NCOR2: variants seen among roughly 807,000 people sequenced by gnomAD.
NCOR2 encodes CTG repeat protein 26.
NCOR2 carries 81 observed loss-of-function variants against 262.9 expected under a neutral mutation model. That is an observed-to-expected ratio of 0.31 (90% CI 0.26 to 0.37). The LOEUF (loss-of-function observed/expected upper bound fraction) is 0.37, where lower values mean the gene tolerates loss of function less well. Ranked by LOEUF, NCOR2 falls within the 10% of genes least tolerant of loss-of-function variation. The probability of loss-of-function intolerance (pLI) is 1.00; values close to 1 mark genes in which losing one functional copy is unlikely to be tolerated. For synonymous variants in NCOR2, 1,659 were observed against 1,559.3 expected (o/e 1.06, Z -1.51); for missense variants, 3,385 against 3,621.4 (o/e 0.93, Z 1.68).
chr12:124,385,886 A>C, exon 17 of NCOR2: 1 of 1,612,996 alleles, frequency 6.2e-7, no homozygotes, highest in Non-Finnish European at 8.5e-7. Context: ...GTTCCAGGAG[A>C]CCTGTCTCAG....
At chr12:124,386,659 C>A (rs117024491) in intron 16 of NCOR2, among the ~76,000 whole-genome samples, 79 of 152,340 alleles carry the variant, frequency 5.2e-4, no homozygotes, top group African/African-American at 1.8e-3. Context: ...CCCTCCATCA[C>A]TAGGTCTCAG....
chr12:124,400,395 C>G, intron 15 of NCOR2, 106 bp downstream of exon 17: 1 of 1,455,976 alleles, frequency 6.9e-7, no homozygotes, highest in Non-Finnish European at 9.4e-7. Flanking sequence ...TTACACCAAC[C>G]CCTTGGCTGT....
intron 41 of NCOR2, among the ~76,000 whole-genome samples, chr12:124,333,886 A>ATGTGTGCGGGTGCGCATGTG (rs1555299220): frequency 8.3e-6 from 1 of 120,724 alleles, no homozygotes; most frequent in Non-Finnish European, 1.9e-5. Flanking sequence ...GCGGGTGTGC[A>ATGTGTGCGGGTGCGCATGTG]TGTGTGTGTG....
intron 19 of NCOR2, 31 bp downstream of exon 21, chr12:124,374,382 T>G: frequency 6.2e-7 from 1 of 1,609,304 alleles, no homozygotes; most frequent in Non-Finnish European, 8.5e-7. Context: ...GGCCCGGCCC[T>G]ACCCCCCAGG....
chr12:124,386,362 C>T (rs1207659215), intron 16 of NCOR2, among the ~76,000 whole-genome samples: 1 of 151,994 alleles, frequency 6.6e-6, no homozygotes, highest in African/African-American at 2.4e-5. Flanking sequence ...CCGGCCACAC[C>T]GGCCCAGCGA....
rs543751219 is a variant in NCOR2 at position 124,398,314 on chromosome 12, G to A, written c.1814-133C>T. 60 of 916,102 alleles carry A rather than the reference G, an allele frequency of 6.5e-5. 2 individuals carry two copies. The South Asian group carries it at 7.1e-4, about 11-fold the overall frequency. The allele number at this position is 916,102 out of a possible 1,614,324, so 56.7% of individuals were successfully genotyped here. ...GTGTCACCGCACGGCTCTGAACCCCGTGGGAAGGCCACATTTCAGACGCCC... is the reference window on the plus strand; with the variant it reads ...GTGTCACCGCACGGCTCTGAACCCCATGGGAAGGCCACATTTCAGACGCCC... On this transcript the variant is annotated intron_variant, in intron 15 of 46. Coordinates refer to ENST00000405201, the Ensembl canonical transcript of NCOR2.
chr12:124,325,871 G>C (rs867111992), intron 46 of NCOR2, among the ~76,000 whole-genome samples: 51 of 152,246 alleles, frequency 3.3e-4, no homozygotes, highest in African/African-American at 1.2e-3. Context: ...TGTTAGATGA[G>C]CATTTCCCTT....
chr12:124,512,964 T>C (rs555392635), intron 1 of NCOR2, among the ~76,000 whole-genome samples: 1 of 152,304 alleles, frequency 6.6e-6, no homozygotes, highest in African/African-American at 2.4e-5. Context: ...GAGGGCTTCC[T>C]GGAGGCTCAG....
At chr12:124,346,648 G>A (rs1249281719) in exon 31 of NCOR2, 1 of 1,591,328 alleles carries the variant, frequency 6.3e-7, no homozygotes, top group Non-Finnish European at 8.5e-7. Flanking sequence ...GGATCTCATG[G>A]ATGGAGCGGC....
chr12:124,407,117 T>C (rs536360225), intron 13 of NCOR2, among the ~76,000 whole-genome samples: 97 of 152,296 alleles, frequency 6.4e-4, no homozygotes, highest in Non-Finnish European at 1.2e-3. Context: ...CTCCTCCCTA[T>C]GCCCATTTAA....
chr12:124,347,064 G>C (rs1311447836), intron 30 of NCOR2, among the ~76,000 whole-genome samples: 1 of 152,228 alleles, frequency 6.6e-6, no homozygotes, highest in African/African-American at 2.4e-5. Flanking sequence ...GGAACACTAT[G>C]AAATCATGAA....
chr12:124,553,433 G>A (rs1442363729), intron 1 of NCOR2, among the ~76,000 whole-genome samples: 1 of 152,156 alleles, frequency 6.6e-6, no homozygotes, highest in Non-Finnish European at 1.5e-5. Context: ...AAATCTTTAG[G>A]CCTCTAGGGA....
rs201540578 is a variant in NCOR2 at position 124,335,644 on chromosome 12, G to C, written c.6116-12C>G. The C allele has an allele frequency of 1.4e-5, 22 of 1,589,120 alleles. No homozygotes were observed. In the African/African-American group the frequency reaches 1.5e-4, roughly 11 times the overall value. On this transcript the variant is annotated splice_polypyrimidine_tract_variant and intron_variant, in intron 38 of 46. Transcript: ENST00000405201. The stretch of plus-strand genomic sequence containing the variant: ...GCTGCCGTGGTAACCTAGGGCAGGC[G>C]GGGGGTGCAGAGTCAGGCACCGGGC...
In NCOR2 at chr12:124,428,044, AGTGTGTGTGTGT is replaced by A. The variant is rs55965573; in HGVS notation, c.1150-1256_1150-1245del. Among the ~76,000 whole-genome samples the A allele has an allele frequency of 7.2e-3, 811 of 112,490 alleles. 9 individuals are homozygous for A. Among genetic ancestry groups the A allele is most frequent in the African/African-American group, 0.023 (773 of 34,176 alleles). The allele number at this position is 112,490 out of a possible 152,430, so 73.8% of individuals were successfully genotyped here. A position where few individuals can be genotyped will look rare whatever the true frequency, so the allele number is the denominator to read the frequency against. ...CTGATGACTGCATTCCCATGTGGCCAGTGTGTGTGTGTGTGTGTGTGTGTGTGTGTGTGTGTG... is the reference window on the plus strand; with the variant it reads ...CTGATGACTGCATTCCCATGTGGCCAGTGTGTGTGTGTGTGTGTGTGTGTG... On this transcript the variant is annotated intron_variant, in intron 10 of 46. Transcript: ENST00000405201.
exon 20 of NCOR2, chr12:124,372,024 GTTC>G (rs761348146): frequency 2.6e-5 from 41 of 1,587,076 alleles, no homozygotes; most frequent in Non-Finnish European, 2.8e-5. Flanking sequence ...CCACTCACCG[GTTC>G]TTGTCGCCGC....
rs1241199199 is a variant in NCOR2 at position 124,342,111 on chromosome 12, T to C, written c.4937-37A>G. 3 of 1,576,556 alleles carry C rather than the reference T, an allele frequency of 1.9e-6. No individual in the cohort carries two copies. The Admixed American group carries it at 5.1e-5, about 27-fold the overall frequency. On this transcript the variant is annotated intron_variant, in intron 33 of 46. Coordinates refer to ENST00000405201, the Ensembl canonical transcript of NCOR2. ...AGGGGAGCTCATGTGAGGCCAGCCA[T>C]ACCTAGGCCTGATGGTGTCGCTCCA...
chr12:124,436,720 C>G (rs998051863), intron 8 of NCOR2, among the ~76,000 whole-genome samples: 3 of 152,196 alleles, frequency 2.0e-5, no homozygotes, highest in East Asian at 1.9e-4. Flanking sequence ...GCACAGCTCT[C>G]TCCGGCTCCC....
At chr12:124,461,416 A>C (rs1418804180) in intron 5 of NCOR2, among the ~76,000 whole-genome samples, 1 of 152,222 alleles carries the variant, frequency 6.6e-6, no homozygotes, top group African/African-American at 2.4e-5. Context: ...GCACGTTCTC[A>C]TTCGAGCAGT....
intron 17 of NCOR2, among the ~76,000 whole-genome samples, chr12:124,380,509 GC>G (rs1022827551): frequency 4.1e-4 from 62 of 152,212 alleles, no homozygotes; most frequent in African/African-American, 1.4e-3. Flanking sequence ...TCCCAGCCCT[GC>G]CCCGAATCCT....
Sources: allele counts gnomAD v4.1 joint callset (sites outside exome capture counted in the v4.1 genomes callset), GRCh38; gene constraint gnomAD v4.1.1; transcripts MANE v1.5; gene names NCBI Gene and HGNC (gene_info 2026-07-23, HGNC 2026-07-21).